MMP24: variants seen among roughly 807,000 people sequenced by gnomAD.
The protein encoded by MMP24 is matrix metalloproteinase-24.
MMP24 carries 25 observed loss-of-function variants against 62.8 expected under a neutral mutation model. The ratio of observed to expected loss-of-function variants is 0.40; its 90% CI spans 0.29 to 0.56. MMP24 has a LOEUF of 0.56. MMP24 is among the 20% of genes least tolerant of loss of function. The probability of loss-of-function intolerance (pLI) is 0.50; values close to 1 mark genes in which losing one functional copy is unlikely to be tolerated. For missense variants in MMP24, 634 were observed against 853.6 expected (o/e 0.74, Z 3.21); for synonymous variants, 319 against 350.5 (o/e 0.91, Z 1.00).
rs1470215935 is a variant in MMP24 at position 35,269,495 on chromosome 20, G to A, written c.1195-265G>A. On this transcript the variant is annotated intron_variant, in intron 6 of 8. Transcript: ENST00000246186. The surrounding 1 kb of genome is among the most constrained non-coding windows in gnomAD (Gnocchi z 4.6). Reference sequence around the variant, plus strand: ...TCCAGGCCCCAACATCATCCTTTCCGGCTCCCTCACACCTCCTTTTCCACA... The same window carrying A: ...TCCAGGCCCCAACATCATCCTTTCCAGCTCCCTCACACCTCCTTTTCCACA... Among the ~76,000 whole-genome samples the A allele has an allele frequency of 1.3e-5, 2 of 152,112 alleles. No individual in the cohort carries two copies. Among genetic ancestry groups the A allele is most frequent in the Non-Finnish European group, 2.9e-5 (2 of 68,012 alleles).
At chr20:35,261,952 C>T (rs2060605695) in intron 4 of MMP24, among the ~76,000 whole-genome samples, 1 of 152,102 alleles carries the variant, frequency 6.6e-6, no homozygotes, top group Non-Finnish European at 1.5e-5. Flanking sequence ...AGGCGCAGGC[C>T]ACCATATCTG....
At position 35,244,270 on chromosome 20, in the gene MMP24, A is replaced by G. The variant is rs552109484; in HGVS notation, c.247-2570A>G. The stretch of plus-strand genomic sequence containing the variant: ...TGGCATTCAGGATAATCCTCTGAGG[A>G]TGGGAAACAGGGTTATCTAGATTCG... On this transcript the variant is annotated intron_variant, in intron 1 of 8. Transcript: ENST00000246186. Among the ~76,000 whole-genome samples the G allele has an allele frequency of 2.6e-5, 4 of 152,234 alleles. No individual in the cohort carries two copies. In the East Asian group the frequency reaches 7.7e-4, roughly 29 times the overall value.
At chr20:35,263,989 G>A (rs374783957) in intron 5 of MMP24, 37 bp downstream of exon 5, 29 of 1,552,618 alleles carry the variant, frequency 1.9e-5, no homozygotes, top group Middle Eastern at 1.7e-4. Flanking sequence ...CTCCTTCCTC[G>A]GGGCTGGGCT....
chr20:35,238,455 T>G (rs1369582403), intron 1 of MMP24, among the ~76,000 whole-genome samples: 1 of 151,806 alleles, frequency 6.6e-6, no homozygotes, highest in Non-Finnish European at 1.5e-5. Flanking sequence ...AGGCCAAGGC[T>G]CCCCAAAGAG....
At chr20:35,256,714 CAAAAAAAAAAA>C (rs74173944) in intron 4 of MMP24, among the ~76,000 whole-genome samples, 32 of 39,718 alleles carry the variant, frequency 8.1e-4, no homozygotes, top group Middle Eastern at 0.016. Flanking sequence ...GATTCCGTCT[CAAAAAAAAAAA>C]AAAAAAAAAA....
At chr20:35,262,348 G>C (rs2060608293) in intron 4 of MMP24, among the ~76,000 whole-genome samples, 1 of 152,130 alleles carries the variant, frequency 6.6e-6, no homozygotes, top group African/African-American at 2.4e-5. Context: ...AGGGTCACAA[G>C]ACAATTGTGG....
At chr20:35,235,344 C>T (rs1307014324) in intron 1 of MMP24, among the ~76,000 whole-genome samples, 1 of 152,098 alleles carries the variant, frequency 6.6e-6, no homozygotes, top group African/African-American at 2.4e-5. Flanking sequence ...GTTGAGGCTA[C>T]AGAGAGCAGA....
rs141557933 is a variant in MMP24, at chr20:35,259,130, G to A, written c.817+4376G>A. On this transcript the variant is annotated intron_variant, in intron 4 of 8. Coordinates refer to ENST00000246186, the MANE Select transcript of MMP24 (RefSeq NM_006690.4). The stretch of plus-strand genomic sequence containing the variant: ...CGGGAGGCGGAGGTTCAAGTGAGCC[G>A]AGATTGCACCACTACACTCCAACCT... Among the ~76,000 whole-genome samples the A allele has an allele frequency of 8.0e-3, 1,211 of 152,262 alleles. 9 individuals carry two copies. The highest frequency in any genetic ancestry group is 0.028 in the African/African-American group (1,146 of 41,548).
chr20:35,230,347 G>A (rs2146197440), intron 1 of MMP24, among the ~76,000 whole-genome samples: 1 of 152,214 alleles, frequency 6.6e-6, no homozygotes, highest in Admixed American at 6.5e-5. Flanking sequence ...TGGTTCTTAG[G>A]CAAGGCTTTC....
At chr20:35,249,378 A>G (rs2060532885) in intron 2 of MMP24, among the ~76,000 whole-genome samples, 2 of 152,348 alleles carry the variant, frequency 1.3e-5, no homozygotes, top group Middle Eastern at 3.4e-3. Flanking sequence ...TCACTCATTC[A>G]TTTGGTCAAC....
At chr20:35,265,063 G>A (rs2060625750) in intron 5 of MMP24, among the ~76,000 whole-genome samples, 1 of 152,208 alleles carries the variant, frequency 6.6e-6, no homozygotes, top group Non-Finnish European at 1.5e-5. Context: ...TATTCCAAAG[G>A]TAGAACAACA....
chr20:35,243,553 G>A (rs2060499130), intron 1 of MMP24, among the ~76,000 whole-genome samples: 1 of 152,062 alleles, frequency 6.6e-6, no homozygotes, highest in Non-Finnish European at 1.5e-5. Flanking sequence ...ACTGTCCTGG[G>A]CACTGGATGA....
chr20:35,266,658 A>G (rs2060637180), intron 5 of MMP24, among the ~76,000 whole-genome samples: 2 of 152,220 alleles, frequency 1.3e-5, no homozygotes, highest in South Asian at 4.1e-4. Flanking sequence ...TGTAGTCTTC[A>G]GACCAGCAGC....
At chr20:35,250,562 C>CAA (rs78628104) in intron 2 of MMP24, among the ~76,000 whole-genome samples, 35 of 118,762 alleles carry the variant, frequency 2.9e-4, no homozygotes, top group African/African-American at 9.9e-4. Context: ...GACTCTGTCT[C>CAA]AAAAAAAAAA....
At chr20:35,261,000 G>GGCCGA in intron 4 of MMP24, among the ~76,000 whole-genome samples, 1 of 152,302 alleles carries the variant, frequency 6.6e-6, no homozygotes, top group East Asian at 1.9e-4. Context: ...GGCAGGAATG[G>GGCCGA]GCCGAGCCAT....
intron 1 of MMP24, among the ~76,000 whole-genome samples, chr20:35,231,626 A>G (rs1350901835): frequency 3.3e-5 from 5 of 152,156 alleles, no homozygotes; most frequent in Non-Finnish European, 5.9e-5. Context: ...ATGTGGCCCT[A>G]TTTGGTCCTG....
intron 1 of MMP24, among the ~76,000 whole-genome samples, chr20:35,244,500 G>A (rs1195538600): frequency 6.6e-6 from 1 of 152,100 alleles, no homozygotes; most frequent in Non-Finnish European, 1.5e-5. Flanking sequence ...GAGTGTAATG[G>A]CGTGATCTCA....
At chr20:35,257,951 C>T (rs1292903481) in intron 4 of MMP24, among the ~76,000 whole-genome samples, 2 of 152,162 alleles carry the variant, frequency 1.3e-5, no homozygotes, top group East Asian at 1.9e-4. Context: ...ATTGAGCATC[C>T]ATATATTATC....
chr20:35,238,938 G>A (rs915533010), intron 1 of MMP24, among the ~76,000 whole-genome samples: 11 of 151,854 alleles, frequency 7.2e-5, no homozygotes, highest in African/African-American at 2.4e-4. Flanking sequence ...TCATTCTGTC[G>A]CCCACAGCCC....
Sources: gnomAD v4.1 joint callset for allele counts (sites outside exome capture counted in the v4.1 genomes callset) on GRCh38, gnomAD v4.1.1 for gene constraint, Gnocchi (gnomAD v3.1) non-coding constraint, MANE v1.5 for transcripts, NCBI Gene and HGNC (gene_info 2026-07-23, HGNC 2026-07-21) for gene names.